MEIG1: variants seen among roughly 807,000 people sequenced by gnomAD.
MEIG1 encodes the protein meiosis expressed gene 1 protein homolog.
In MEIG1, 12 loss-of-function variants were observed where a neutral mutation model predicts 11.3. The observed-to-expected ratio is 1.07, with a 90% confidence interval of 0.68 to 1.73. The LOEUF (loss-of-function observed/expected upper bound fraction) is 1.73, where lower values mean the gene tolerates loss of function less well. Ranked by LOEUF, MEIG1 falls within the 40% of genes most tolerant of loss-of-function variation. The pLI is 0.00. For missense variants in MEIG1, 119 were observed against 104.9 expected (o/e 1.13, Z -0.59); for synonymous variants, 41 against 33.2 (o/e 1.24, Z -0.81).
downstream of MEIG1, among the ~76,000 whole-genome samples, chr10:14,977,831 C>G (rs184330684): frequency 7.9e-5 from 12 of 151,980 alleles, no homozygotes; most frequent in Non-Finnish European, 1.5e-4. Flanking sequence ...GATATGATAG[C>G]TCATATCCTA....
downstream of MEIG1, among the ~76,000 whole-genome samples, chr10:14,975,686 G>A (rs1843202469): frequency 6.6e-6 from 1 of 152,040 alleles, no homozygotes; most frequent in Admixed American, 6.6e-5. Context: ...CCAAGGGGGA[G>A]AGGATAACCC....
At chr10:14,979,891 G>A (rs1295607820) in intron 1 of MEIG1, among the ~76,000 whole-genome samples, 1 of 152,010 alleles carries the variant, frequency 6.6e-6, no homozygotes, top group Non-Finnish European at 1.5e-5. Context: ...TATCGTAGAA[G>A]TATATTATTT....
At chr10:14,973,827 AG>A (rs1843179063), downstream of MEIG1, among the ~76,000 whole-genome samples, 1 of 151,898 alleles carries the variant, frequency 6.6e-6, no homozygotes, top group African/African-American at 2.4e-5. Flanking sequence ...AATGATGAAA[AG>A]TATGGTCATA....
chr10:14,980,392 G>A (rs1843251402), intron 1 of MEIG1, among the ~76,000 whole-genome samples: 1 of 152,044 alleles, frequency 6.6e-6, no homozygotes, highest in African/African-American at 2.4e-5. Flanking sequence ...ATCGTTTCCA[G>A]GGATGTTACT....
chr10:14,985,515 T>C (rs1325493899), intron 1 of MEIG1, among the ~76,000 whole-genome samples: 4 of 151,910 alleles, frequency 2.6e-5, no homozygotes, highest in Non-Finnish European at 5.9e-5. Flanking sequence ...CGGGAGTGTA[T>C]GTCATACGTA....
chr10:14,975,513 T>C (rs191634119), downstream of MEIG1, among the ~76,000 whole-genome samples: 448 of 152,206 alleles, frequency 2.9e-3, 1 homozygote, highest in South Asian at 9.4e-3. Context: ...TGTACTATTG[T>C]TGCTATTATC....
At chr10:14,972,325 A>G (rs1467661165) in intron 2 of MEIG1, among the ~76,000 whole-genome samples, 188 bp from the exon 3 acceptor site, 1 of 152,186 alleles carries the variant, frequency 6.6e-6, no homozygotes, top group Non-Finnish European at 1.5e-5. Context: ...TGAATTAGTT[A>G]TCTTACAGCA....
At chr10:14,964,053 G>A (rs12768437) in intron 1 of MEIG1, among the ~76,000 whole-genome samples, 3 of 147,256 alleles carry the variant, frequency 2.0e-5, no homozygotes, top group Admixed American at 6.9e-5. Context: ...AGCCGAGATC[G>A]CGCCTCTGCA....
chr10:14,973,639 G>A (rs191108790), downstream of MEIG1, among the ~76,000 whole-genome samples: 9 of 152,010 alleles, frequency 5.9e-5, no homozygotes, highest in Non-Finnish European at 1.2e-4. Context: ...GAGTGGTGGC[G>A]GCTGCCTGTA....
rs34536061 is a variant in MEIG1 at position 14,961,638 on chromosome 10, A to ATTTTTTTTTTTTT, written c.-30+2090_-30+2102dup. 5.1e-3 allele frequency among the ~76,000 whole-genome samples: 387 copies of ATTTTTTTTTTTTT among 76,568 alleles called. 56 individuals are homozygous for ATTTTTTTTTTTTT. Among genetic ancestry groups the ATTTTTTTTTTTTT allele is most frequent in the African/African-American group, 0.012 (257 of 21,948 alleles). 50.2% of individuals were successfully genotyped at this position (76,568 alleles called of 152,430 possible). ...AGGCAGCCGCCACCGCATCCGGCTAATTTTTTTTTTTTTTTTTTTTTAGTA... is the reference window on the plus strand; with the variant it reads ...AGGCAGCCGCCACCGCATCCGGCTAATTTTTTTTTTTTTTTTTTTTTTTTTTTTTTTTTTAGTA... On this transcript the variant is annotated intron_variant, in intron 1 of 2. Coordinates refer to ENST00000407572, the MANE Select transcript of MEIG1 (RefSeq NM_001080836.3).
At position 14,972,773 on chromosome 10, in the gene MEIG1, C is replaced by A; in HGVS notation, c.*132C>A. On this transcript the variant is annotated 3_prime_UTR_variant, in exon 3 of 3. Transcript: ENST00000407572. ...TTAATGTTTTGTGAAACACAAAAGC[C>A]ATGAGAATTGGTATCTGCTAATCAC... 1 of 878,922 alleles carries A rather than the reference C, an allele frequency of 1.1e-6. No individual in the cohort carries two copies. Among genetic ancestry groups the A allele is most frequent in the Non-Finnish European group, 1.7e-6 (1 of 594,344 alleles). The allele number at this position is 878,922 out of a possible 1,614,324, so 54.4% of individuals were successfully genotyped here. A position where few individuals can be genotyped will look rare whatever the true frequency, so the allele number is the denominator to read the frequency against.
intron 1 of MEIG1, among the ~76,000 whole-genome samples, chr10:14,978,425 C>G (rs183625550): frequency 6.6e-6 from 1 of 151,880 alleles, no homozygotes; most frequent in East Asian, 1.9e-4. Context: ...AAACCAAAGG[C>G]GTGTGTTCCC....
chr10:14,958,785 A>G (rs1842976573), upstream of MEIG1, among the ~76,000 whole-genome samples: 1 of 151,872 alleles, frequency 6.6e-6, no homozygotes, highest in Non-Finnish European at 1.5e-5. Context: ...AGTCCCAGCT[A>G]CTCGGGAGGC....
intron 1 of MEIG1, among the ~76,000 whole-genome samples, chr10:14,982,855 T>C (rs976693494): frequency 3.3e-5 from 5 of 152,118 alleles, no homozygotes; most frequent in African/African-American, 1.2e-4. Flanking sequence ...CAATAAATGA[T>C]TAATATTAAC....
upstream of MEIG1, among the ~76,000 whole-genome samples, chr10:14,959,141 A>C (rs141635546): frequency 9.9e-3 from 1,513 of 152,334 alleles, 18 homozygotes; most frequent in East Asian, 0.059. Context: ...CCGTGCTGTG[A>C]TCCGCTTTCA....
chr10:14,966,066 C>CTTTTTTTTTTTTTTTTTTT (rs10673663), intron 1 of MEIG1, among the ~76,000 whole-genome samples: 1 of 118,724 alleles, frequency 8.4e-6, no homozygotes, highest in Non-Finnish European at 1.7e-5. Context: ...TTTATTTATT[C>CTTTTTTTTTTTTTTTTTTT]TTTTTTTTTT....
upstream of MEIG1, among the ~76,000 whole-genome samples, chr10:14,955,599 G>A (rs558281559): frequency 2.0e-5 from 3 of 152,316 alleles, no homozygotes; most frequent in South Asian, 4.1e-4. Flanking sequence ...TCGGGAGGCC[G>A]AGGCAGGAGA....
chr10:14,986,298 C>A (rs1260047341), intron 1 of MEIG1, among the ~76,000 whole-genome samples: 1 of 152,124 alleles, frequency 6.6e-6, no homozygotes, highest in Non-Finnish European at 1.5e-5. Flanking sequence ...ACACTTCAGC[C>A]TGGGCAACAA....
At chr10:14,981,878 C>T (rs1242338947) in intron 1 of MEIG1, among the ~76,000 whole-genome samples, 1 of 152,204 alleles carries the variant, frequency 6.6e-6, no homozygotes, top group Admixed American at 6.5e-5. Context: ...CCTCTGATTG[C>T]TGCAGCTAAC....
Sources: gnomAD v4.1 joint callset for allele counts (sites outside exome capture counted in the v4.1 genomes callset) on GRCh38, gnomAD v4.1.1 for gene constraint, MANE v1.5 for transcripts, NCBI Gene and HGNC (gene_info 2026-07-23, HGNC 2026-07-21) for gene names.